The following SAMTOR variants were observed in gnomAD, a reference collection of about 807,000 sequenced individuals.
SAMTOR encodes UPF0532 protein C7orf60.
chr7:112,936,915 C>G, the SAMTOR span, among the ~76,000 whole-genome samples: 1 of 152,258 alleles, frequency 6.6e-6, no homozygotes, highest in South Asian at 2.1e-4. Flanking sequence ...CCTATTCTAA[C>G]ATTTGGAGTC....
At chr7:112,875,376 T>A in the SAMTOR span, among the ~76,000 whole-genome samples, 2 of 152,146 alleles carry the variant, frequency 1.3e-5, no homozygotes, top group Non-Finnish European at 2.9e-5. Flanking sequence ...GCTTTTCAAT[T>A]ATAGCTTTTC....
chr7:112,900,018 T>C, the SAMTOR span, among the ~76,000 whole-genome samples: 1 of 152,126 alleles, frequency 6.6e-6, no homozygotes, highest in Non-Finnish European at 1.5e-5. Flanking sequence ...TAAAGGTACA[T>C]ACATAGTTAA....
chr7:112,900,165 A>T, the SAMTOR span, among the ~76,000 whole-genome samples: 176 of 152,314 alleles, frequency 1.2e-3, 1 homozygote, highest in African/African-American at 4.2e-3. Flanking sequence ...GATTTGTAAT[A>T]AGGAATTGGC....
chr7:112,842,455 C>T, the SAMTOR span, among the ~76,000 whole-genome samples: 1 of 151,884 alleles, frequency 6.6e-6, no homozygotes, highest in African/African-American at 2.4e-5. Context: ...TTGTGCTTTG[C>T]TTACTTTTCT....
At chr7:112,846,901 C>T in the SAMTOR span, among the ~76,000 whole-genome samples, 2 of 152,168 alleles carry the variant, frequency 1.3e-5, no homozygotes, top group Non-Finnish European at 2.9e-5. Flanking sequence ...AACTGAATTA[C>T]TCATTTTTCC....
the SAMTOR span, among the ~76,000 whole-genome samples, chr7:112,859,897 A>T: frequency 6.6e-6 from 1 of 152,208 alleles, no homozygotes. Context: ...AAGTAAATAT[A>T]GTATAGCTTA....
At chr7:112,862,518 T>C in the SAMTOR span, among the ~76,000 whole-genome samples, 4 of 152,170 alleles carry the variant, frequency 2.6e-5, no homozygotes, top group Non-Finnish European at 4.4e-5. Flanking sequence ...CCTTGAGACG[T>C]AGAAAATAAT....
the SAMTOR span, among the ~76,000 whole-genome samples, chr7:112,890,198 C>T: frequency 6.6e-5 from 10 of 152,086 alleles, no homozygotes; most frequent in Admixed American, 3.9e-4. Flanking sequence ...TTGAAAAGCG[C>T]CTAAATGTTT....
At chr7:112,929,746 G>A in the SAMTOR span, among the ~76,000 whole-genome samples, 1 of 152,056 alleles carries the variant, frequency 6.6e-6, no homozygotes, top group African/African-American at 2.4e-5. Context: ...CTGCAAAGAA[G>A]TATGAGAAAA....
At chr7:112,926,264 T>C in the SAMTOR span, among the ~76,000 whole-genome samples, 2 of 152,226 alleles carry the variant, frequency 1.3e-5, no homozygotes, top group Admixed American at 6.5e-5. Context: ...AGGCATCTGT[T>C]AGAAATTCTT....
the SAMTOR span, among the ~76,000 whole-genome samples, chr7:112,911,451 A>T: frequency 6.6e-6 from 1 of 152,040 alleles, no homozygotes; most frequent in Non-Finnish European, 1.5e-5. Context: ...CTTTCAGAGC[A>T]AAAAAAGCAT....
the SAMTOR span, among the ~76,000 whole-genome samples, chr7:112,886,716 T>G: frequency 6.6e-6 from 1 of 152,200 alleles, no homozygotes; most frequent in Non-Finnish European, 1.5e-5. Context: ...CTTCATACAG[T>G]GTAGCTTGGT....
At chr7:112,839,687 G>A in the SAMTOR span, among the ~76,000 whole-genome samples, 1 of 151,666 alleles carries the variant, frequency 6.6e-6, no homozygotes, top group Non-Finnish European at 1.5e-5. Context: ...ATGAATCCTG[G>A]ATCAAACAAC....
the SAMTOR span, among the ~76,000 whole-genome samples, chr7:112,920,598 A>T: frequency 6.7e-6 from 1 of 148,922 alleles, no homozygotes; most frequent in Non-Finnish European, 1.5e-5. Context: ...AGTTCTGGCC[A>T]GGGCAATTAG....
chr7:112,910,011 C>CA, the SAMTOR span, among the ~76,000 whole-genome samples: 1 of 151,892 alleles, frequency 6.6e-6, no homozygotes, highest in Non-Finnish European at 1.5e-5. Context: ...CCTGAAGAAA[C>CA]AGTCTGATGC....
the SAMTOR span, chr7:112,939,505 G>C: frequency 6.3e-7 from 1 of 1,594,928 alleles, no homozygotes; most frequent in African/African-American, 1.3e-5. Context: ...CATTTTAATG[G>C]TGGCCTCTTT....
the SAMTOR span, among the ~76,000 whole-genome samples, chr7:112,881,593 T>G: frequency 2.0e-5 from 3 of 152,116 alleles, no homozygotes; most frequent in Non-Finnish European, 4.4e-5. Flanking sequence ...TGCCTGCAAA[T>G]AAGAGCTACT....
chr7:112,902,416 C>CAAA, the SAMTOR span, among the ~76,000 whole-genome samples: 323 of 12,210 alleles, frequency 0.026, 52 homozygotes, highest in Middle Eastern at 0.062. Context: ...AACTCCGTCT[C>CAAA]AAAAAAAAAA....
chr7:112,860,099 A>G, the SAMTOR span, among the ~76,000 whole-genome samples: 1 of 152,184 alleles, frequency 6.6e-6, no homozygotes, highest in African/African-American at 2.4e-5. Context: ...TTCTATGTTT[A>G]GATACACAAA....
Sources: allele counts gnomAD v4.1 joint callset (sites outside exome capture counted in the v4.1 genomes callset), GRCh38; gene constraint gnomAD v4.1.1; transcripts MANE v1.5; gene names NCBI Gene and HGNC (gene_info 2026-07-23, HGNC 2026-07-21).